Variants in TMTC3 observed in about 807,000 individuals in gnomAD.
TMTC3 encodes the protein protein O-mannosyl-transferase TMTC3.
TMTC3 carries 52 observed loss-of-function variants against 92.2 expected under a neutral mutation model. That is an observed-to-expected ratio of 0.56 (90% confidence interval 0.45 to 0.71). The LOEUF is 0.71. TMTC3 is among the 30% of genes least tolerant of loss of function. TMTC3 has a pLI of 0.00. For synonymous variants in TMTC3, 339 were observed against 363.3 expected, an observed-to-expected ratio of 0.93 and a Z score of 0.76; for missense variants, 896 against 1,057.1, an observed-to-expected ratio of 0.85 and a Z score of 2.11.
chr12:88,194,181 C>G (rs2041478025), intron 13 of TMTC3, among the ~76,000 whole-genome samples: 1 of 152,120 alleles, frequency 6.6e-6, no homozygotes, highest in Non-Finnish European at 1.5e-5. Flanking sequence ...GTGGACACAG[C>G]ACTGCCCTCC....
intron 9 of TMTC3, among the ~76,000 whole-genome samples, chr12:88,175,373 G>A (rs903604142): frequency 2.0e-5 from 3 of 152,066 alleles, no homozygotes; most frequent in African/African-American, 7.2e-5. Flanking sequence ...TCCCTTACCA[G>A]TACCCCTCTT....
intron 10 of TMTC3, among the ~76,000 whole-genome samples, chr12:88,180,764 G>C (rs1200081482): frequency 6.6e-6 from 1 of 151,908 alleles, no homozygotes; most frequent in Non-Finnish European, 1.5e-5. Context: ...GACTTGAGGG[G>C]GTGTGAACAC....
rs974573135 is a variant in TMTC3 at position 88,199,737 on chromosome 12, T to C, written c.*4088T>C. The C allele has an allele frequency of 3.3e-5, 5 of 152,240 alleles. No homozygotes were observed. Among genetic ancestry groups the C allele is most frequent in the African/African-American group, 1.2e-4 (5 of 41,474 alleles). The allele number at this position is 152,240 out of a possible 1,614,324, so 9.4% of individuals were successfully genotyped here. A position where few individuals can be genotyped will look rare whatever the true frequency, so the allele number is the denominator to read the frequency against. On this transcript the variant is annotated 3_prime_UTR_variant, in exon 14 of 14. Coordinates refer to ENST00000266712, the MANE Select transcript of TMTC3 (RefSeq NM_181783.4). Reference sequence around the variant, plus strand: ...AAAATGAAAGATAAAGTCTGAAGACTGGATCCAGGCAAATTCATGTTCTTT... The same window carrying C: ...AAAATGAAAGATAAAGTCTGAAGACCGGATCCAGGCAAATTCATGTTCTTT...
intron 10 of TMTC3, among the ~76,000 whole-genome samples, chr12:88,182,672 G>C (rs1046630774): frequency 2.0e-5 from 3 of 152,192 alleles, no homozygotes; most frequent in Admixed American, 2.0e-4. Context: ...GGCTCCGTTG[G>C]GGATGCTAGT....
chr12:88,152,605 G>T (rs997050464), intron 2 of TMTC3, among the ~76,000 whole-genome samples: 3 of 152,128 alleles, frequency 2.0e-5, no homozygotes, highest in African/African-American at 7.2e-5. Flanking sequence ...AGGGAAAGAA[G>T]TATTTCTGAT....
At position 88,166,373 on chromosome 12, in the gene TMTC3, C is replaced by T. The variant is rs1304652984; in HGVS notation, c.841C>T (p.Leu281=). 2.5e-6 allele frequency: 4 copies of T among 1,613,882 alleles called. No homozygotes were observed. The South Asian group carries it at 4.4e-5, about 18-fold the overall frequency. ...AAVSPTPTRQ[L]TFNYLLPVNA... is the part of the protein sequence containing the mutation. ...TGTAAGCCCAACTCCTACAAGGCAA[C>T]TAACTTTTAACTACCTCCTTCCTGT... Residue 281 remains leucine, a synonymous_variant, in exon 7 of 14, where the codon CTA becomes TTA. Coordinates refer to ENST00000266712, the MANE Select transcript of TMTC3 (RefSeq NM_181783.4).
At chr12:88,186,038 G>C (rs1045205182) in intron 10 of TMTC3, among the ~76,000 whole-genome samples, 1 of 152,018 alleles carries the variant, frequency 6.6e-6, no homozygotes, top group Non-Finnish European at 1.5e-5. Flanking sequence ...TGATAATTTT[G>C]TGGACAGGAA....
At chr12:88,176,613 A>T (rs2041262429) in intron 10 of TMTC3, among the ~76,000 whole-genome samples, 1 of 152,054 alleles carries the variant, frequency 6.6e-6, no homozygotes, top group South Asian at 2.1e-4. Flanking sequence ...TTTACAAAAT[A>T]AAAATTAAAA....
intron 10 of TMTC3, among the ~76,000 whole-genome samples, chr12:88,177,699 T>C (rs1191483824): frequency 1.3e-5 from 2 of 152,176 alleles, no homozygotes; most frequent in Non-Finnish European, 2.9e-5. Context: ...GCCATCATTA[T>C]TTTCCATTCA....
chr12:88,169,582 T>C (rs934021995), intron 7 of TMTC3, among the ~76,000 whole-genome samples: 3 of 152,156 alleles, frequency 2.0e-5, no homozygotes, highest in African/African-American at 2.4e-5. Flanking sequence ...TAAGCACTTA[T>C]TAGATAAGAT....
intron 10 of TMTC3, among the ~76,000 whole-genome samples, chr12:88,187,593 T>C (rs1331566568): frequency 6.6e-6 from 1 of 152,174 alleles, no homozygotes; most frequent in African/African-American, 2.4e-5. Context: ...ACTTCCTTAC[T>C]CCTAAACTTA....
chr12:88,193,455 A>G (rs1448613735), intron 13 of TMTC3, among the ~76,000 whole-genome samples: 1 of 152,082 alleles, frequency 6.6e-6, no homozygotes, highest in Non-Finnish European at 1.5e-5. Context: ...TAATTTATAA[A>G]TTAGAAAAAT....
At chr12:88,178,507 T>A (rs929854680) in intron 10 of TMTC3, among the ~76,000 whole-genome samples, 1 of 152,032 alleles carries the variant, frequency 6.6e-6, no homozygotes, top group Admixed American at 6.5e-5. Context: ...CTTTCCTATA[T>A]TTGTAATTTT....
At chr12:88,169,380 G>A (rs1286960443) in intron 7 of TMTC3, among the ~76,000 whole-genome samples, 1 of 152,090 alleles carries the variant, frequency 6.6e-6, no homozygotes, top group African/African-American at 2.4e-5. Context: ...TAAGGTTTCA[G>A]CAAATAAAAT....
intron 10 of TMTC3, among the ~76,000 whole-genome samples, chr12:88,178,061 AAGG>A (rs1183148963): frequency 2.0e-5 from 3 of 152,206 alleles, no homozygotes; most frequent in African/African-American, 7.2e-5. Flanking sequence ...GTATGGTAAA[AAGG>A]AGAGAGAATT....
chr12:88,176,143 T>C (rs1457031960), intron 9 of TMTC3, 65 bp from the exon 10 acceptor site: 3 of 1,055,088 alleles, frequency 2.8e-6, no homozygotes, highest in Non-Finnish European at 4.2e-6. Flanking sequence ...ACCAAACAAA[T>C]ATCTGTATGA....
rs897063638 is a variant in TMTC3, at chr12:88,154,200, C to A, written c.409-88C>A. 1.1e-5 allele frequency: 10 copies of A among 945,838 alleles called. No individual in the cohort carries two copies. The East Asian group carries it at 2.3e-4, about 21-fold the overall frequency. 58.6% of individuals were successfully genotyped at this position (945,838 alleles called of 1,614,324 possible). ...AAACAAATGTGCACTTGAAAAGTTA[C>A]GGAAATTAAAGTATTTTTACCATTA... On this transcript the variant is annotated intron_variant, in intron 3 of 13. Coordinates refer to ENST00000266712, the MANE Select transcript of TMTC3 (RefSeq NM_181783.4).
At chr12:88,188,368 T>G (rs2138435953) in intron 10 of TMTC3, among the ~76,000 whole-genome samples, 1 of 151,846 alleles carries the variant, frequency 6.6e-6, no homozygotes, top group Middle Eastern at 3.4e-3. Flanking sequence ...AGCTATGAGA[T>G]TAAGTAAATG....
intron 2 of TMTC3, among the ~76,000 whole-genome samples, chr12:88,149,623 A>T (rs915837168): frequency 6.6e-6 from 1 of 152,192 alleles, no homozygotes. Context: ...TTGTTGAAAC[A>T]TAACATGTAA....
Sources: allele counts gnomAD v4.1 joint callset (sites outside exome capture counted in the v4.1 genomes callset), GRCh38; gene constraint gnomAD v4.1.1; transcripts MANE v1.5; gene names NCBI Gene and HGNC (gene_info 2026-07-23, HGNC 2026-07-21).